The following NCOA1 variants were observed in gnomAD, a reference collection of about 807,000 sequenced individuals.
NCOA1 encodes Hin-2 protein.
NCOA1 carries 35 observed loss-of-function variants against 150.9 expected under a neutral mutation model. That is an observed-to-expected ratio of 0.23 (90% confidence interval 0.18 to 0.31). NCOA1 has a LOEUF of 0.31. Ranked by LOEUF, NCOA1 falls within the 10% of genes least tolerant of loss-of-function variation. NCOA1 has a pLI of 1.00. For synonymous variants in NCOA1, 590 were observed against 630.0 expected (o/e 0.94, Z 0.95); for missense variants, 1,491 against 1,749.3 (o/e 0.85, Z 2.63).
At chr2:24,528,521 A>G (rs1256269625) in intron 1 of NCOA1, among the ~76,000 whole-genome samples, 1 of 150,546 alleles carries the variant, frequency 6.6e-6, no homozygotes, top group African/African-American at 2.4e-5. Context: ...TAATTTTTGT[A>G]TTTTTTTGTA....
intron 1 of NCOA1, among the ~76,000 whole-genome samples, chr2:24,498,178 C>CT (rs1663304064): frequency 6.6e-6 from 1 of 152,182 alleles, no homozygotes; most frequent in Non-Finnish European, 1.5e-5. Context: ...TCTGCAATGT[C>CT]TAATATCTCC....
chr2:24,601,794 G>A (rs1327599703), intron 3 of NCOA1, among the ~76,000 whole-genome samples: 3 of 151,712 alleles, frequency 2.0e-5, no homozygotes, highest in African/African-American at 4.8e-5. Flanking sequence ...CACCACACCC[G>A]GCTAATTTGT....
chr2:24,745,932 A>G (rs1357883121), intron 19 of NCOA1, among the ~76,000 whole-genome samples: 1 of 152,036 alleles, frequency 6.6e-6, no homozygotes, highest in Non-Finnish European at 1.5e-5. Flanking sequence ...TCTCATTCCT[A>G]TTCTTCCCTC....
chr2:24,744,600 T>C (rs1035571246), intron 19 of NCOA1, among the ~76,000 whole-genome samples: 1 of 152,218 alleles, frequency 6.6e-6, no homozygotes, highest in Non-Finnish European at 1.5e-5. Context: ...AACAGTTTAT[T>C]GTGGCTTAAG....
intron 3 of NCOA1, among the ~76,000 whole-genome samples, chr2:24,585,494 C>T (rs1339668590): frequency 1.3e-5 from 2 of 151,818 alleles, no homozygotes; most frequent in African/African-American, 4.8e-5. Flanking sequence ...GACACATTCA[C>T]AGATTTTTTT....
intron 7 of NCOA1, among the ~76,000 whole-genome samples, chr2:24,675,814 G>T (rs1455494301): frequency 6.6e-6 from 1 of 152,200 alleles, no homozygotes; most frequent in Non-Finnish European, 1.5e-5. Context: ...GAACCTGTGA[G>T]GCAGAGGTTG....
At chr2:24,691,792 C>T (rs955920653) in intron 9 of NCOA1, 132 bp downstream of exon 9, 5 of 795,282 alleles carry the variant, frequency 6.3e-6, no homozygotes, top group Non-Finnish European at 7.6e-6. Flanking sequence ...GTGGCTATTC[C>T]ATTTGCTATA....
chr2:24,710,741 A>G (rs148956832), intron 13 of NCOA1, among the ~76,000 whole-genome samples, 190 bp from the exon 14 acceptor site: 5 of 152,256 alleles, frequency 3.3e-5, no homozygotes, highest in Admixed American at 1.3e-4. Context: ...AAGCATCCAA[A>G]TATTTTCCCC....
intron 1 of NCOA1, among the ~76,000 whole-genome samples, chr2:24,517,775 A>G (rs1664266191): frequency 6.6e-6 from 1 of 152,176 alleles, no homozygotes; most frequent in Admixed American, 6.5e-5. Context: ...ACAGGATGGT[A>G]GAGATAGTAT....
intron 3 of NCOA1, among the ~76,000 whole-genome samples, chr2:24,618,453 T>A (rs1451027492): frequency 1.3e-5 from 2 of 152,180 alleles, no homozygotes; most frequent in African/African-American, 4.8e-5. Context: ...TCCTTGTAAC[T>A]AGTTTACCAT....
chr2:24,654,650 C>T (rs761677796), intron 4 of NCOA1, among the ~76,000 whole-genome samples: 1 of 152,168 alleles, frequency 6.6e-6, no homozygotes, highest in Non-Finnish European at 1.5e-5. Context: ...TGTTGTTAAT[C>T]CTCCAGTGAC....
chr2:24,532,322 G>C (rs1205762734), intron 1 of NCOA1, among the ~76,000 whole-genome samples: 1 of 151,718 alleles, frequency 6.6e-6, no homozygotes, highest in Non-Finnish European at 1.5e-5. Flanking sequence ...TTGTAAACTT[G>C]TTTAAATTCT....
At chr2:24,743,050 T>C (rs1487743127) in intron 19 of NCOA1, among the ~76,000 whole-genome samples, 1 of 152,216 alleles carries the variant, frequency 6.6e-6, no homozygotes, top group Non-Finnish European at 1.5e-5. Flanking sequence ...TCTTTTCTTA[T>C]TTCTTTTCTG....
intron 7 of NCOA1, among the ~76,000 whole-genome samples, chr2:24,680,249 G>A (rs55906425): frequency 0.022 from 3,418 of 152,238 alleles, 123 homozygotes; most frequent in African/African-American, 0.076. Context: ...CATAATAGAT[G>A]TTCTCTTTTC....
At chr2:24,693,201 A>G in intron 9 of NCOA1, 51 bp from the exon 10 acceptor site, 8 of 1,529,972 alleles carry the variant, frequency 5.2e-6, no homozygotes, top group Non-Finnish European at 7.3e-6. Flanking sequence ...TGATAGATAT[A>G]AACCATTTTC....
chr2:24,572,967 G>A (rs1195998107), intron 2 of NCOA1, among the ~76,000 whole-genome samples: 1 of 152,044 alleles, frequency 6.6e-6, no homozygotes, highest in Admixed American at 6.6e-5. Context: ...ACCCACTCTC[G>A]TATCTAATCA....
intron 20 of NCOA1, among the ~76,000 whole-genome samples, chr2:24,754,027 TC>T (rs1276130119): frequency 6.6e-6 from 1 of 152,182 alleles, no homozygotes; most frequent in Admixed American, 6.5e-5. Flanking sequence ...TTTCCACTTG[TC>T]CAGAAGAAAA....
rs76212271 is a variant in NCOA1 at position 24,591,343 on chromosome 2, C to G, written c.-175+6783C>G. On this transcript the variant is annotated intron_variant, in intron 3 of 22. Coordinates refer to ENST00000348332, the MANE Select transcript of NCOA1 (RefSeq NM_003743.5). ...TAAGAAAAAGTACAGGTTCTGCAAT[C>G]AGACATTTCTAGGCAAGTTTCTTGA... 2.2e-3 allele frequency among the ~76,000 whole-genome samples: 331 copies of G among 152,286 alleles called. 2 individuals carry two copies. The highest frequency in any genetic ancestry group is 3.4e-3 in the Non-Finnish European group (231 of 68,018).
intron 1 of NCOA1, among the ~76,000 whole-genome samples, chr2:24,561,319 A>G (rs1386300870): frequency 3.3e-5 from 5 of 152,204 alleles, no homozygotes; most frequent in Admixed American, 6.5e-5. Context: ...TTGATTTTTA[A>G]ATCATGAATA....
Sources: gnomAD v4.1 joint callset for allele counts (sites outside exome capture counted in the v4.1 genomes callset) on GRCh38, gnomAD v4.1.1 for gene constraint, MANE v1.5 for transcripts, NCBI Gene and HGNC (gene_info 2026-07-23, HGNC 2026-07-21) for gene names.